The following HS6ST2 variants were observed in gnomAD, a reference collection of about 807,000 sequenced individuals.
HS6ST2 encodes heparan sulfate 6-O-sulfotransferase 2, also known as heparan-sulfate 6-O-sulfotransferase 2.
A neutral mutation model predicts 33.0 loss-of-function variants in HS6ST2; 17 were observed. The ratio of observed to expected loss-of-function variants is 0.52; its 90% CI spans 0.35 to 0.77. HS6ST2 has a LOEUF of 0.77. HS6ST2 is among the 30% of genes least tolerant of loss of function. The probability of loss-of-function intolerance (pLI) is 0.01; values close to 1 mark genes in which losing one functional copy is unlikely to be tolerated. For synonymous variants in HS6ST2, 248 were observed against 237.1 expected, an observed-to-expected ratio of 1.05 and a Z score of -0.42; for missense variants, 519 against 551.7, an observed-to-expected ratio of 0.94 and a Z score of 0.59.
chrX:132,753,864 T>C (rs182406741), intron 2 of HS6ST2, among the ~76,000 whole-genome samples: 10 of 112,169 alleles, frequency 8.9e-5, no homozygotes, highest in Non-Finnish European at 1.9e-4. Context: ...TTTTGTATTT[T>C]AGAATAGTTT....
chrX:132,935,020 G>T (rs894482936), intron 2 of HS6ST2, among the ~76,000 whole-genome samples: 6 of 111,180 alleles, frequency 5.4e-5, no homozygotes, highest in African/African-American at 2.0e-4. Context: ...AAAGAAAGAA[G>T]TTTTATAATG....
At chrX:132,632,272 A>C (rs1327030629) in intron 4 of HS6ST2, among the ~76,000 whole-genome samples, 1 of 111,248 alleles carries the variant, frequency 9.0e-6, no homozygotes, top group Non-Finnish European at 1.9e-5. Flanking sequence ...AACTGAAAGC[A>C]CTTGATGCTG....
intron 2 of HS6ST2, among the ~76,000 whole-genome samples, chrX:132,932,889 C>T (rs2066788548): frequency 9.7e-6 from 1 of 102,723 alleles, no homozygotes; most frequent in African/African-American, 3.5e-5. Flanking sequence ...TATATATATT[C>T]TATATTCTAT....
intron 2 of HS6ST2, among the ~76,000 whole-genome samples, chrX:132,810,235 A>G (rs962844341): frequency 3.7e-5 from 4 of 109,470 alleles, no homozygotes; most frequent in African/African-American, 1.3e-4. Flanking sequence ...ATGACACCTC[A>G]TCTCTGTAAT....
At chrX:132,704,198 C>T (rs986057699) in intron 3 of HS6ST2, among the ~76,000 whole-genome samples, 3 of 112,358 alleles carry the variant, frequency 2.7e-5, no homozygotes, top group African/African-American at 9.7e-5. Context: ...CATCTTTCCC[C>T]TTGGCACGTG....
intron 2 of HS6ST2, among the ~76,000 whole-genome samples, chrX:132,710,859 A>G (rs2064225686): frequency 9.0e-6 from 1 of 111,524 alleles, no homozygotes; most frequent in Non-Finnish European, 1.9e-5. Flanking sequence ...ATAATACTGT[A>G]GTCCCACATC....
intron 2 of HS6ST2, among the ~76,000 whole-genome samples, chrX:132,839,272 GTATATATATATATATATATATATATATA>G (rs748319681): frequency 4.5e-4 from 28 of 62,790 alleles, no homozygotes; most frequent in Admixed American, 4.2e-3. Flanking sequence ...TGTAGTGTGT[GTATATATATATATATATATATATATATA>G]TATATATATA....
chrX:132,763,417 C>T (rs1455719388), intron 2 of HS6ST2, among the ~76,000 whole-genome samples: 1 of 112,332 alleles, frequency 8.9e-6, no homozygotes, highest in East Asian at 2.8e-4. Context: ...ATGTTTAGCT[C>T]ATAAATACTT....
chrX:132,715,350 G>A (rs1176185651), intron 2 of HS6ST2, among the ~76,000 whole-genome samples: 3 of 111,878 alleles, frequency 2.7e-5, no homozygotes, highest in East Asian at 2.8e-4. Context: ...CAGGAGGAGC[G>A]GCTTGAGCCC....
intron 2 of HS6ST2, among the ~76,000 whole-genome samples, chrX:132,786,824 G>A (rs1245226008): frequency 9.2e-6 from 1 of 108,532 alleles, no homozygotes; most frequent in African/African-American, 3.4e-5. Flanking sequence ...GTTTCACCAT[G>A]TTGGTCAGGC....
chrX:132,853,487 A>C (rs2065824860), intron 2 of HS6ST2, among the ~76,000 whole-genome samples: 1 of 110,539 alleles, frequency 9.0e-6, no homozygotes, highest in African/African-American at 3.3e-5. Context: ...TGGAGTTTAC[A>C]AAGGTAAAAG....
chrX:132,691,605 T>G (rs144376606), intron 3 of HS6ST2, among the ~76,000 whole-genome samples: 1,570 of 112,186 alleles, frequency 0.014, 30 homozygotes, highest in African/African-American at 0.049. Context: ...TAAGCCCTAA[T>G]GTTGTTTTAC....
In HS6ST2 at chrX:132,885,784, C is replaced by T. The variant is rs1301463548; in HGVS notation, c.947+71024G>A. Among the ~76,000 whole-genome samples the T allele has an allele frequency of 2.7e-5, 3 of 111,292 alleles. No homozygotes were observed. In the Admixed American group the frequency reaches 2.9e-4, roughly 11 times the overall value. ...TAAACTACACAGACAGAGAAAAGAA[C>T]CAATAGAAAGCCATGCTTAAAAATA... On this transcript the variant is annotated intron_variant, in intron 2 of 4. Transcript: ENST00000370833.
intron 2 of HS6ST2, among the ~76,000 whole-genome samples, chrX:132,719,604 G>T (rs1329302998): frequency 8.9e-6 from 1 of 111,948 alleles, no homozygotes; most frequent in African/African-American, 3.2e-5. Context: ...TGACTCCAAA[G>T]CCTATGTGCT....
At chrX:132,785,174 A>C (rs2065050715) in intron 2 of HS6ST2, among the ~76,000 whole-genome samples, 1 of 112,363 alleles carries the variant, frequency 8.9e-6, no homozygotes, top group African/African-American at 3.2e-5. Flanking sequence ...TTTAAAAGCT[A>C]CATTTGAGTC....
rs869155437 is a variant in HS6ST2, at chrX:132,787,188, CAT to C, written c.948-78696_948-78695del. Among the ~76,000 whole-genome samples the C allele has an allele frequency of 2.1e-4, 15 of 69,903 alleles. 1 individual carries two copies. Among genetic ancestry groups the C allele is most frequent in the Admixed American group, 3.6e-4 (2 of 5,627 alleles). The allele number at this position is 69,903 out of a possible 115,157, so 60.7% of individuals were successfully genotyped here. ...ATATGTATATATATATATATATATA[CAT>C]ATATATATACACATATATATATACA... is the stretch of plus-strand genomic sequence containing the variant. On this transcript the variant is annotated intron_variant, in intron 2 of 4. Coordinates refer to ENST00000370833, the MANE Select transcript of HS6ST2 (RefSeq NM_001394073.1).
At chrX:132,947,249 G>A (rs1157509211) in intron 2 of HS6ST2, among the ~76,000 whole-genome samples, 1 of 109,947 alleles carries the variant, frequency 9.1e-6, no homozygotes, top group Non-Finnish European at 1.9e-5. Flanking sequence ...GTGTGTATGT[G>A]TGTATTTTAG....
At chrX:132,850,505 A>T (rs1221286992) in intron 2 of HS6ST2, among the ~76,000 whole-genome samples, 3 of 111,252 alleles carry the variant, frequency 2.7e-5, no homozygotes, top group Non-Finnish European at 5.6e-5. Context: ...TTCTTATCTA[A>T]AATGAGGGGA....
chrX:132,839,452 CA>C (rs1027579123), intron 2 of HS6ST2, among the ~76,000 whole-genome samples: 7 of 94,403 alleles, frequency 7.4e-5, no homozygotes, highest in African/African-American at 2.8e-4. Flanking sequence ...CAGAAACAGT[CA>C]AATACCTAGC....
Sources: allele counts gnomAD v4.1 joint callset (sites outside exome capture counted in the v4.1 genomes callset), GRCh38; gene constraint gnomAD v4.1.1; transcripts MANE v1.5; gene names NCBI Gene and HGNC (gene_info 2026-07-23, HGNC 2026-07-21).